USH2A: variants seen among roughly 807,000 people sequenced by gnomAD.
The protein encoded by USH2A is usherin.
A neutral mutation model predicts 538.9 loss-of-function variants in USH2A; 443 were observed. The observed-to-expected ratio is 0.82, with a 90% CI of 0.76 to 0.89. USH2A has a LOEUF of 0.89. Ranked by LOEUF, USH2A falls within the 40% of genes least tolerant of loss-of-function variation. The pLI is 0.00. For missense variants in USH2A, 6,633 were observed against 6,324.8 expected (o/e 1.05, Z -1.65); for synonymous variants, 2,413 against 2,273.5 (o/e 1.06, Z -1.75).
chr1:216,107,953 T>C (rs1403152421), intron 21 of USH2A, among the ~76,000 whole-genome samples: 1 of 151,906 alleles, frequency 6.6e-6, no homozygotes, highest in African/African-American at 2.4e-5. Context: ...TACTATTTTT[T>C]ATACAGTTTA....
In USH2A at chr1:215,680,378, T is replaced by C. The variant is rs397517978; in HGVS notation, c.12067-2A>G. On this transcript the variant is annotated splice_acceptor_variant, in intron 61 of 71. Coordinates refer to ENST00000307340, the MANE Select transcript of USH2A (RefSeq NM_206933.4). LOFTEE classifies it high-confidence loss of function. Reference sequence around the variant, plus strand: ...CAGGTGGGCTTGATGGCTTGTTCCCTGTAAGAAAATTAACAGGTTAAGTTG... The same window carrying C: ...CAGGTGGGCTTGATGGCTTGTTCCCCGTAAGAAAATTAACAGGTTAAGTTG... 2.2e-5 allele frequency: 36 copies of C among 1,608,340 alleles called. No homozygotes were observed. The Admixed American group carries it at 3.2e-4, about 14-fold the overall frequency.
intron 4 of USH2A, among the ~76,000 whole-genome samples, chr1:216,346,781 C>A (rs2038183031): frequency 6.6e-6 from 1 of 151,514 alleles, no homozygotes; most frequent in Non-Finnish European, 1.5e-5. Context: ...TGGCTCTGTT[C>A]CTCTAAGGCT....
intron 5 of USH2A, 24 bp from the exon 6 acceptor site, chr1:216,325,623 G>A (rs1362576491): frequency 6.2e-7 from 1 of 1,609,120 alleles, no homozygotes; most frequent in African/African-American, 1.3e-5. Context: ...GAGGGAGACT[G>A]TAAGGACAAA....
In USH2A at chr1:215,790,265, G is replaced by A. The variant is rs1288381992; in HGVS notation, c.9976C>T (p.Gln3326Ter). Reference protein sequence around the residue: ...NRLPGMFCCGQDYVNMSDTIC... With the variant: ...NRLPGMFCCG The stretch of plus-strand genomic sequence containing the variant: ...GTATCTGACATATTCACATAATCCT[G>A]CCCACAACAGAACATACCTGCAACA... Residue 3326 changes from glutamine to a stop codon, truncating the protein, a stop_gained, in exon 51 of 72, where the codon CAG becomes TAG. Transcript: ENST00000307340. LOFTEE classifies it high-confidence loss of function. 6.2e-7 allele frequency: 1 copy of A among 1,613,826 alleles called. No homozygotes were observed. Among genetic ancestry groups the A allele is most frequent in the Non-Finnish European group, 8.5e-7 (1 of 1,179,958 alleles).
chr1:215,749,387 CA>C (rs2102733332), intron 58 of USH2A, among the ~76,000 whole-genome samples: 1 of 152,316 alleles, frequency 6.6e-6, no homozygotes, highest in South Asian at 2.1e-4. Flanking sequence ...TTCACCTCTT[CA>C]TTAATTGGAA....
chr1:215,814,174 T>C (rs1211937291), intron 48 of USH2A, among the ~76,000 whole-genome samples: 1 of 145,846 alleles, frequency 6.9e-6, no homozygotes, highest in Non-Finnish European at 1.5e-5. Context: ...TTATATAAAA[T>C]TTTAATTTTA....
intron 58 of USH2A, among the ~76,000 whole-genome samples, chr1:215,751,093 A>C (rs755772204): frequency 5.3e-5 from 8 of 152,144 alleles, no homozygotes; most frequent in Non-Finnish European, 8.8e-5. Context: ...TGTAATGTGA[A>C]TCCTTTAGAA....
At chr1:216,139,599 C>T in intron 21 of USH2A, among the ~76,000 whole-genome samples, 1 of 152,050 alleles carries the variant, frequency 6.6e-6, no homozygotes, top group South Asian at 2.1e-4. Context: ...TTAGAATAGA[C>T]CATAGTGTTG....
At chr1:215,953,103 T>A (rs1666964325) in intron 37 of USH2A, among the ~76,000 whole-genome samples, 1 of 152,150 alleles carries the variant, frequency 6.6e-6, no homozygotes, top group African/African-American at 2.4e-5. Flanking sequence ...TGCTCATGGG[T>A]AGGAAGAATC....
At chr1:215,774,827 A>G (rs1383863573) in intron 55 of USH2A, among the ~76,000 whole-genome samples, 3 of 152,130 alleles carry the variant, frequency 2.0e-5, no homozygotes, top group Non-Finnish European at 2.9e-5. Context: ...GCTATCAATT[A>G]TAGTTCTTTG....
chr1:215,685,238 G>A (rs1272260461), intron 61 of USH2A, among the ~76,000 whole-genome samples: 1 of 151,746 alleles, frequency 6.6e-6, no homozygotes, highest in African/African-American at 2.4e-5. Context: ...TCTGCAGGAC[G>A]ATTTTTCCTC....
intron 40 of USH2A, among the ~76,000 whole-genome samples, chr1:215,892,538 A>G (rs1324258579): frequency 1.3e-5 from 2 of 152,156 alleles, no homozygotes; most frequent in African/African-American, 4.8e-5. Flanking sequence ...AATGGATTCT[A>G]TCTTGTCTTT....
chr1:215,670,616 C>T (rs1031871309), intron 64 of USH2A, among the ~76,000 whole-genome samples: 4 of 151,990 alleles, frequency 2.6e-5, no homozygotes, highest in Admixed American at 6.6e-5. Context: ...TATTTTGGTA[C>T]GAGTAATGAG....
chr1:216,041,492 G>A (rs1057386615), intron 32 of USH2A, among the ~76,000 whole-genome samples: 12 of 151,972 alleles, frequency 7.9e-5, no homozygotes, highest in Admixed American at 4.6e-4. Flanking sequence ...CAAACCCTAC[G>A]GGAAGAATGT....
chr1:216,136,334 C>T (rs922678428), intron 21 of USH2A, among the ~76,000 whole-genome samples: 2 of 152,140 alleles, frequency 1.3e-5, no homozygotes, highest in Admixed American at 6.6e-5. Context: ...TAAAAACACA[C>T]AGCATCTGTG....
intron 46 of USH2A, among the ~76,000 whole-genome samples, chr1:215,839,174 T>A (rs781269029): frequency 6.6e-6 from 1 of 152,172 alleles, no homozygotes; most frequent in Non-Finnish European, 1.5e-5. Flanking sequence ...AGGGCCTACA[T>A]TCTGAGCATG....
intron 38 of USH2A, among the ~76,000 whole-genome samples, chr1:215,906,597 A>G (rs1308281848): frequency 6.6e-6 from 1 of 151,984 alleles, no homozygotes; most frequent in Non-Finnish European, 1.5e-5. Flanking sequence ...AAATAAACAA[A>G]TTTCAATAAA....
intron 61 of USH2A, among the ~76,000 whole-genome samples, chr1:215,719,932 G>A (rs1659603814): frequency 6.6e-6 from 1 of 152,202 alleles, no homozygotes; most frequent in Non-Finnish European, 1.5e-5. Flanking sequence ...AAGGAAGAGA[G>A]AGGACTCAAA....
intron 22 of USH2A, among the ~76,000 whole-genome samples, chr1:216,094,263 C>T (rs565300942): frequency 2.6e-5 from 4 of 152,190 alleles, no homozygotes; most frequent in Non-Finnish European, 4.4e-5. Flanking sequence ...CTGAAGAGCA[C>T]TTTTTATTAG....
Sources: allele counts gnomAD v4.1 joint callset (sites outside exome capture counted in the v4.1 genomes callset), GRCh38; gene constraint gnomAD v4.1.1; transcripts MANE v1.5; gene names NCBI Gene and HGNC (gene_info 2026-07-23, HGNC 2026-07-21).